Variants in IGF1R observed in about 807,000 individuals in gnomAD.
The protein encoded by IGF1R is insulin-like growth factor 1 receptor.
IGF1R carries 44 observed loss-of-function variants against 144.6 expected under a neutral mutation model. The ratio of observed to expected loss-of-function variants is 0.30; its 90% CI spans 0.24 to 0.39. The LOEUF is 0.39. Among genes scored for constraint, IGF1R ranks in the 10% least tolerant of loss-of-function variants. The pLI is 1.00. For synonymous variants in IGF1R, 795 were observed against 722.8 expected (o/e 1.10, Z -1.60); for missense variants, 1,355 against 1,833.7 (o/e 0.74, Z 4.77).
intron 2 of IGF1R, among the ~76,000 whole-genome samples, chr15:98,790,677 A>G (rs551591750): frequency 6.6e-6 from 1 of 152,334 alleles, no homozygotes; most frequent in South Asian, 2.1e-4. Flanking sequence ...AGACTCAACC[A>G]GAGTCTTCCC....
chr15:98,830,302 C>G (rs570334852), intron 2 of IGF1R, among the ~76,000 whole-genome samples: 3 of 152,306 alleles, frequency 2.0e-5, no homozygotes, highest in African/African-American at 7.2e-5. Context: ...TCTGTCTGGA[C>G]CATCCTTTTC....
chr15:98,949,626 C>T (rs879333710), intron 20 of IGF1R, among the ~76,000 whole-genome samples: 22 of 152,232 alleles, frequency 1.4e-4, no homozygotes, highest in African/African-American at 5.1e-4. Context: ...CCGCCTCAGC[C>T]TCCCAAAGTG....
intron 5 of IGF1R, among the ~76,000 whole-genome samples, chr15:98,901,929 T>C (rs1409207902): frequency 1.4e-4 from 21 of 152,150 alleles, no homozygotes; most frequent in Admixed American, 1.4e-3. Context: ...ACTAGAGTTA[T>C]GTAAGATGTT....
intron 2 of IGF1R, among the ~76,000 whole-genome samples, chr15:98,738,877 A>G (rs1596253234): frequency 6.6e-6 from 1 of 152,208 alleles, no homozygotes; most frequent in East Asian, 1.9e-4. Flanking sequence ...ATGTTCGTCA[A>G]AATGCTTTTG....
At chr15:98,749,425 C>T (rs1386248894) in intron 2 of IGF1R, among the ~76,000 whole-genome samples, 1 of 152,084 alleles carries the variant, frequency 6.6e-6, no homozygotes, top group African/African-American at 2.4e-5. Context: ...AGTATGTTTA[C>T]CAGGTAATCT....
At chr15:98,781,392 C>G (rs190324567) in intron 2 of IGF1R, among the ~76,000 whole-genome samples, 4 of 152,218 alleles carry the variant, frequency 2.6e-5, no homozygotes, top group African/African-American at 9.6e-5. Flanking sequence ...AAATAAATGT[C>G]CCTCCAAATT....
At chr15:98,797,287 C>T (rs550211838) in intron 2 of IGF1R, among the ~76,000 whole-genome samples, 113 of 152,274 alleles carry the variant, frequency 7.4e-4, no homozygotes, top group Non-Finnish European at 1.3e-3. Context: ...GCCCGAGCCC[C>T]GTTTTAGAGC....
intron 2 of IGF1R, among the ~76,000 whole-genome samples, chr15:98,825,037 A>G (rs924341453): frequency 1.3e-5 from 2 of 152,008 alleles, no homozygotes; most frequent in African/African-American, 2.4e-5. Flanking sequence ...GAGTTTCACC[A>G]TGTTGGCCAG....
intron 2 of IGF1R, among the ~76,000 whole-genome samples, chr15:98,780,557 AAAAAAAAAAAAAAAAAAAGAGAG>A (rs1332814265): frequency 5.7e-5 from 1 of 17,670 alleles, no homozygotes; most frequent in Non-Finnish European, 3.2e-4. Flanking sequence ...CTCAAAAAAA[AAAAAAAAAAAAAAAAAAAGAGAG>A]AGAGAGTAAA....
At chr15:98,819,056 G>A (rs1238878689) in intron 2 of IGF1R, among the ~76,000 whole-genome samples, 1 of 152,086 alleles carries the variant, frequency 6.6e-6, no homozygotes, top group Non-Finnish European at 1.5e-5. Flanking sequence ...AGTGTGTGGT[G>A]GAGAAGGCAG....
chr15:98,730,116 T>A (rs1324191317), intron 2 of IGF1R, among the ~76,000 whole-genome samples: 3 of 152,196 alleles, frequency 2.0e-5, no homozygotes, highest in African/African-American at 7.2e-5. Flanking sequence ...GAAAGAATGT[T>A]TAAAAATGAG....
intron 2 of IGF1R, among the ~76,000 whole-genome samples, chr15:98,840,671 TG>T (rs1174448459): frequency 7.0e-5 from 10 of 142,552 alleles, no homozygotes; most frequent in African/African-American, 2.1e-4. Flanking sequence ...TTTTGTTTTT[TG>T]TTTTGTTTTT....
intron 2 of IGF1R, among the ~76,000 whole-genome samples, chr15:98,757,734 T>A (rs1221671204): frequency 6.6e-6 from 1 of 152,188 alleles, no homozygotes; most frequent in African/African-American, 2.4e-5. Context: ...GCTGGACTTT[T>A]AAAACCCATT....
chr15:98,863,928 A>G (rs2012292912), intron 2 of IGF1R, among the ~76,000 whole-genome samples: 1 of 152,204 alleles, frequency 6.6e-6, no homozygotes, highest in African/African-American at 2.4e-5. Flanking sequence ...TAAAGCTGTA[A>G]TTAAAAGAAG....
In IGF1R at chr15:98,922,257, C is replaced by A; in HGVS notation, c.2311C>A (p.Leu771Met). Residue 771 changes from leucine to methionine, a missense_variant, in exon 11 of 21, where the codon CTG becomes ATG. Around this residue, in one of 7 missense-constraint regions of IGF1R, gnomAD observed 880 missense variants for 1,202.7 expected, o/e 0.73. Coordinates refer to ENST00000650285, the MANE Select transcript of IGF1R (RefSeq NM_000875.5). ...DTYNITDPEE[L>M]ETEYPFFESR... The stretch of plus-strand genomic sequence containing the variant: ...CTACAACATCACCGACCCGGAAGAG[C>A]TGGAGACAGAGTACCCTTTCTTTGA... 1.2e-6 allele frequency: 2 copies of A among 1,614,174 alleles called. No homozygotes were observed. Among genetic ancestry groups the A allele is most frequent in the Non-Finnish European group, 1.7e-6 (2 of 1,180,026 alleles).
intron 2 of IGF1R, among the ~76,000 whole-genome samples, chr15:98,862,602 G>C (rs1364124900): frequency 6.6e-6 from 1 of 152,148 alleles, no homozygotes; most frequent in Non-Finnish European, 1.5e-5. Context: ...ACTTTATCTT[G>C]AGGTGCACGG....
At chr15:98,910,452 T>A (rs986177125) in intron 6 of IGF1R, among the ~76,000 whole-genome samples, 1 of 152,272 alleles carries the variant, frequency 6.6e-6, no homozygotes, top group Admixed American at 6.5e-5. Flanking sequence ...TAAAGACTTC[T>A]TAGCTCTTTT....
intron 20 of IGF1R, among the ~76,000 whole-genome samples, chr15:98,956,223 A>G (rs889611366): frequency 6.6e-6 from 1 of 152,210 alleles, no homozygotes; most frequent in African/African-American, 2.4e-5. Flanking sequence ...AGGGCCTCAC[A>G]GGTATTTGCA....
intron 2 of IGF1R, among the ~76,000 whole-genome samples, chr15:98,809,512 G>T (rs369359652): frequency 6.6e-6 from 1 of 152,188 alleles, no homozygotes; most frequent in Non-Finnish European, 1.5e-5. Context: ...GGCAAGAAAC[G>T]TGAACCACCG....
Sources: gnomAD v4.1 joint callset for allele counts (sites outside exome capture counted in the v4.1 genomes callset) on GRCh38, gnomAD v4.1.1 for gene constraint, gnomAD v4.1.1 regional missense constraint, MANE v1.5 for transcripts, NCBI Gene and HGNC (gene_info 2026-07-23, HGNC 2026-07-21) for gene names.